The following CCSER1 variants were observed in gnomAD, a reference collection of about 807,000 sequenced individuals.
CCSER1 encodes the protein coiled-coil serine rich protein 1.
Under a neutral mutation model 82.0 loss-of-function variants are expected in CCSER1, and 41 were observed. That is an observed-to-expected ratio of 0.50 (90% CI 0.39 to 0.65). The LOEUF (loss-of-function observed/expected upper bound fraction) is 0.65, where lower values mean the gene tolerates loss of function less well. Ranked by LOEUF, CCSER1 falls within the 30% of genes least tolerant of loss-of-function variation. The pLI is 0.00. For synonymous variants in CCSER1, 414 were observed against 383.9 expected (o/e 1.08, Z -0.92); for missense variants, 1,119 against 1,064.2 (o/e 1.05, Z -0.72).
At chr4:90,302,732 A>G (rs1191938094) in intron 1 of CCSER1, among the ~76,000 whole-genome samples, 1 of 152,114 alleles carries the variant, frequency 6.6e-6, no homozygotes, top group Non-Finnish European at 1.5e-5. Flanking sequence ...GAGCCCAGGA[A>G]TTCGAGGATG....
intron 1 of CCSER1, among the ~76,000 whole-genome samples, chr4:90,257,849 A>C (rs562140852): frequency 1.2e-4 from 18 of 152,152 alleles, no homozygotes; most frequent in Non-Finnish European, 2.5e-4. Flanking sequence ...CTTTTATTCT[A>C]TTCAGGCCAT....
At chr4:90,553,659 TA>T (rs1353771268) in intron 5 of CCSER1, among the ~76,000 whole-genome samples, 1 of 152,212 alleles carries the variant, frequency 6.6e-6, no homozygotes, top group African/African-American at 2.4e-5. Flanking sequence ...TCATTCATTT[TA>T]ATTGGTTATA....
intron 10 of CCSER1, among the ~76,000 whole-genome samples, chr4:91,435,289 A>G (rs1754583542): frequency 6.6e-6 from 1 of 151,980 alleles, no homozygotes; most frequent in Non-Finnish European, 1.5e-5. Flanking sequence ...AAAATATTTA[A>G]AAGTTAGCTG....
intron 5 of CCSER1, among the ~76,000 whole-genome samples, chr4:90,595,734 G>T (rs899847403): frequency 2.6e-5 from 4 of 151,658 alleles, no homozygotes; most frequent in African/African-American, 9.7e-5. Flanking sequence ...ACCTTTCTTT[G>T]TACTCCTCAA....
intron 10 of CCSER1, among the ~76,000 whole-genome samples, chr4:91,124,083 C>G (rs574306789): frequency 6.6e-6 from 1 of 151,710 alleles, no homozygotes; most frequent in Admixed American, 6.6e-5. Context: ...GATTTTATTG[C>G]TGGACTATGT....
intron 3 of CCSER1, among the ~76,000 whole-genome samples, chr4:90,396,276 C>T (rs757778215): frequency 1.3e-5 from 2 of 152,042 alleles, no homozygotes; most frequent in Non-Finnish European, 2.9e-5. Flanking sequence ...TTTGAGATAT[C>T]ATCATTAGTG....
intron 9 of CCSER1, among the ~76,000 whole-genome samples, chr4:91,018,828 T>C (rs1216038252): frequency 6.6e-6 from 1 of 152,088 alleles, no homozygotes. Flanking sequence ...ATTCAAATGT[T>C]ACTTCCATCA....
intron 8 of CCSER1, among the ~76,000 whole-genome samples, chr4:90,908,643 C>A (rs1725861406): frequency 6.6e-6 from 1 of 151,878 alleles, no homozygotes; most frequent in African/African-American, 2.4e-5. Context: ...GTGAGTGAAA[C>A]TTTTTTGTAC....
chr4:90,363,560 T>A (rs546948655), intron 3 of CCSER1, among the ~76,000 whole-genome samples: 1 of 151,878 alleles, frequency 6.6e-6, no homozygotes, highest in African/African-American at 2.4e-5. Context: ...CAAATGCAAC[T>A]TGGCTGCCTA....
chr4:91,295,290 G>A (rs1219313599), intron 10 of CCSER1, among the ~76,000 whole-genome samples: 1 of 151,822 alleles, frequency 6.6e-6, no homozygotes, highest in African/African-American at 2.4e-5. Flanking sequence ...AGTTTTTATA[G>A]GATATAAATA....
chr4:90,685,545 C>G (rs556979773), intron 6 of CCSER1, among the ~76,000 whole-genome samples: 3 of 152,144 alleles, frequency 2.0e-5, no homozygotes, highest in African/African-American at 7.2e-5. Flanking sequence ...AATGTCCATG[C>G]TCACTAAATA....
intron 5 of CCSER1, among the ~76,000 whole-genome samples, chr4:90,474,271 C>T (rs1000831642): frequency 1.3e-5 from 2 of 152,054 alleles, no homozygotes; most frequent in Non-Finnish European, 2.9e-5. Flanking sequence ...AGGTGACTCT[C>T]GAGCTAACAT....
At chr4:90,423,941 A>G (rs1200220102) in intron 4 of CCSER1, among the ~76,000 whole-genome samples, 10 of 151,796 alleles carry the variant, frequency 6.6e-5, no homozygotes, top group Admixed American at 2.0e-4. Flanking sequence ...AATACAAAAA[A>G]TTAGCTGGGC....
chr4:90,561,765 T>C (rs1409691109), intron 5 of CCSER1, among the ~76,000 whole-genome samples: 1 of 152,220 alleles, frequency 6.6e-6, no homozygotes, highest in East Asian at 1.9e-4. Flanking sequence ...TAAGTATATG[T>C]CTGTCTCTAC....
At chr4:90,336,670 A>G (rs138186358) in intron 3 of CCSER1, among the ~76,000 whole-genome samples, 3 of 152,310 alleles carry the variant, frequency 2.0e-5, no homozygotes, top group African/African-American at 7.2e-5. Flanking sequence ...TCTTTGAGTA[A>G]AGGTATTGCA....
chr4:91,044,488 C>T (rs1412864908), intron 9 of CCSER1, among the ~76,000 whole-genome samples: 4 of 152,146 alleles, frequency 2.6e-5, no homozygotes, highest in Non-Finnish European at 5.9e-5. Context: ...TTTATCTTGA[C>T]CTACATGATC....
rs527722487 is a variant in CCSER1, at chr4:91,419,339, C to T, written c.2218-179233C>T. Among the ~76,000 whole-genome samples the T allele has an allele frequency of 1.7e-4, 26 of 152,078 alleles. No homozygotes were observed. The East Asian group carries it at 5.0e-3, about 29-fold the overall frequency. On this transcript the variant is annotated intron_variant, in intron 10 of 10. Transcript: ENST00000509176. ...TAATATATAGCAAACCCTGAAAATT[C>T]AGTAAAAACTGTCAAGCTAATAAAT...
chr4:90,269,885 C>T (rs1725941348), intron 1 of CCSER1, among the ~76,000 whole-genome samples: 1 of 151,956 alleles, frequency 6.6e-6, no homozygotes, highest in Admixed American at 6.6e-5. Flanking sequence ...TTAGAGGTTA[C>T]TTTGAGGAAC....
chr4:91,139,971 G>A (rs1262407615), intron 10 of CCSER1, among the ~76,000 whole-genome samples: 1 of 151,992 alleles, frequency 6.6e-6, no homozygotes, highest in African/African-American at 2.4e-5. Context: ...CATGTACCTT[G>A]GGAGTAAGTT....
Sources: allele counts gnomAD v4.1 joint callset (sites outside exome capture counted in the v4.1 genomes callset), GRCh38; gene constraint gnomAD v4.1.1; transcripts MANE v1.5; gene names NCBI Gene and HGNC (gene_info 2026-07-23, HGNC 2026-07-21).